The following SRGAP3 variants were observed in gnomAD, a reference collection of about 807,000 sequenced individuals.
SRGAP3 encodes the protein SLIT-ROBO Rho GTPase-activating protein 3.
In SRGAP3, 39 loss-of-function variants were observed where a neutral mutation model predicts 121.1. The ratio of observed to expected loss-of-function variants is 0.32; its 90% CI spans 0.25 to 0.42. SRGAP3 has a LOEUF of 0.42. Among genes scored for constraint, SRGAP3 ranks in the 10% least tolerant of loss-of-function variants. The pLI is 1.00. For missense variants in SRGAP3, 1,213 were observed against 1,470.6 expected (o/e 0.82, Z 2.86); for synonymous variants, 601 against 570.0 (o/e 1.05, Z -0.77).
intron 19 of SRGAP3, chr3:8,994,133 C>T (rs1942244188): frequency 4.4e-6 from 3 of 676,228 alleles, no homozygotes; most frequent in East Asian, 5.9e-5. Flanking sequence ...AACACCGTTT[C>T]TGTGTGCTCA....
upstream of SRGAP3, among the ~76,000 whole-genome samples, chr3:9,252,028 C>T (rs1290180121): frequency 6.6e-6 from 1 of 152,186 alleles, no homozygotes; most frequent in Non-Finnish European, 1.5e-5. Context: ...ATGTGTTCTT[C>T]AACGTTGGAG....
At chr3:9,143,829 G>A (rs965398797) in intron 1 of SRGAP3, among the ~76,000 whole-genome samples, 1 of 152,076 alleles carries the variant, frequency 6.6e-6, no homozygotes, top group African/African-American at 2.4e-5. Flanking sequence ...TGATTTTCCT[G>A]CTATTCAAGC....
chr3:9,030,192 T>A (rs769343179), intron 12 of SRGAP3, among the ~76,000 whole-genome samples: 6 of 151,110 alleles, frequency 4.0e-5, no homozygotes, highest in South Asian at 2.1e-4. Flanking sequence ...AATGAATGAA[T>A]GAAATAGTAT....
At chr3:9,334,275 T>C (rs979433007) in intron 1 of SRGAP3, among the ~76,000 whole-genome samples, 2 of 152,204 alleles carry the variant, frequency 1.3e-5, no homozygotes, top group African/African-American at 2.4e-5. Context: ...TTCAATGGTA[T>C]TCAATCATCA....
intron 12 of SRGAP3, among the ~76,000 whole-genome samples, chr3:9,030,759 C>A (rs1364221696): frequency 6.6e-6 from 1 of 152,172 alleles, no homozygotes; most frequent in African/African-American, 2.4e-5. Flanking sequence ...TCCAAGTATC[C>A]TGACTGATCA....
intron 1 of SRGAP3, chr3:9,194,366 T>C (rs1407785772): frequency 6.6e-6 from 1 of 152,148 alleles, no homozygotes; most frequent in Non-Finnish European, 1.5e-5. Context: ...AAAAAACCTA[T>C]GTCATAACGT....
intron 3 of SRGAP3, among the ~76,000 whole-genome samples, chr3:9,302,724 G>T (rs1203321021): frequency 1.3e-5 from 2 of 152,172 alleles, no homozygotes; most frequent in African/African-American, 4.8e-5. Flanking sequence ...GCCGCGGGGT[G>T]GGTCTTGGCC....
At chr3:9,258,423 T>C (rs1317686747) in intron 3 of SRGAP3, among the ~76,000 whole-genome samples, 4 of 152,246 alleles carry the variant, frequency 2.6e-5, no homozygotes, top group Non-Finnish European at 5.9e-5. Flanking sequence ...AGAAGCTTCC[T>C]AGGCTGTATT....
At chr3:9,122,476 G>A (rs1249311682) in intron 2 of SRGAP3, among the ~76,000 whole-genome samples, 2 of 152,204 alleles carry the variant, frequency 1.3e-5, no homozygotes, top group African/African-American at 2.4e-5. Flanking sequence ...TTGGGAGGCC[G>A]AGGCGGGCGG....
At chr3:9,261,440 C>G (rs4089468) in intron 3 of SRGAP3, among the ~76,000 whole-genome samples, 41,955 of 151,712 alleles carry the variant, frequency 0.28, 6,762 homozygotes, top group Middle Eastern at 0.36. Context: ...TGCAAGGAAA[C>G]TAAGAACCTT....
intron 3 of SRGAP3, among the ~76,000 whole-genome samples, chr3:9,273,676 T>C (rs541318694): frequency 6.6e-6 from 1 of 152,220 alleles, no homozygotes; most frequent in Non-Finnish European, 1.5e-5. Flanking sequence ...TCCAATGTCA[T>C]GAAGGCTTCC....
chr3:9,234,396 G>T (rs755417044), intron 1 of SRGAP3, among the ~76,000 whole-genome samples: 1 of 152,008 alleles, frequency 6.6e-6, no homozygotes, highest in Non-Finnish European at 1.5e-5. Context: ...CAGCCATGTC[G>T]CTTGGCCAGT....
At chr3:9,013,637 T>C in intron 16 of SRGAP3, 100 bp downstream of exon 16, 7 of 1,554,600 alleles carry the variant, frequency 4.5e-6, no homozygotes, top group Non-Finnish European at 6.2e-6. Flanking sequence ...GAGGGTTCCA[T>C]GTTCTCCTTT....
upstream of SRGAP3, among the ~76,000 whole-genome samples, chr3:9,253,309 T>C (rs191229288): frequency 9.5e-4 from 144 of 152,320 alleles, 1 homozygote; most frequent in African/African-American, 3.2e-3. Flanking sequence ...CATTTTTTCA[T>C]TCCCTATAAT....
intron 1 of SRGAP3, among the ~76,000 whole-genome samples, chr3:9,201,985 A>C (rs1012405919): frequency 6.6e-6 from 1 of 152,074 alleles, no homozygotes; most frequent in Non-Finnish European, 1.5e-5. Flanking sequence ...AGGCCTTTCA[A>C]CTTCCAGAAA....
At chr3:9,048,809 G>C (rs554228416) in intron 9 of SRGAP3, among the ~76,000 whole-genome samples, 3 of 152,286 alleles carry the variant, frequency 2.0e-5, no homozygotes, top group African/African-American at 7.2e-5. Flanking sequence ...AAGCAACAGA[G>C]TGAGACCCTA....
At chr3:9,294,873 CAATAA>C (rs1473935160) in intron 3 of SRGAP3, among the ~76,000 whole-genome samples, 2 of 152,078 alleles carry the variant, frequency 1.3e-5, no homozygotes, top group Non-Finnish European at 2.9e-5. Context: ...TGCCAAATGC[CAATAA>C]AATAAGCTAT....
At chr3:9,263,233 T>C (rs1954288989) in intron 3 of SRGAP3, among the ~76,000 whole-genome samples, 1 of 152,106 alleles carries the variant, frequency 6.6e-6, no homozygotes, top group Non-Finnish European at 1.5e-5. Flanking sequence ...TAAAGGGAAA[T>C]TTATAGCACT....
At chr3:9,216,261 G>T (rs1560436851) in intron 1 of SRGAP3, among the ~76,000 whole-genome samples, 1 of 152,288 alleles carries the variant, frequency 6.6e-6, no homozygotes, top group East Asian at 1.9e-4. Flanking sequence ...TCACCTGGAG[G>T]CAGGACCATC....
Sources: allele counts gnomAD v4.1 joint callset (sites outside exome capture counted in the v4.1 genomes callset), GRCh38; gene constraint gnomAD v4.1.1; transcripts MANE v1.5; gene names NCBI Gene and HGNC (gene_info 2026-07-23, HGNC 2026-07-21).